Variants in PKHD1 observed in about 807,000 individuals in gnomAD.
The protein encoded by PKHD1 is PKHD1 ciliary IPT domain containing fibrocystin/polyductin, also known as fibrocystin.
Under a neutral mutation model 412.0 loss-of-function variants are expected in PKHD1, and 291 were observed. The ratio of observed to expected loss-of-function variants is 0.71; its 90% confidence interval spans 0.64 to 0.78. The LOEUF (loss-of-function observed/expected upper bound fraction) is 0.78, where lower values mean the gene tolerates loss of function less well. Among genes scored for constraint, PKHD1 ranks in the 30% least tolerant of loss-of-function variants. The probability of loss-of-function intolerance (pLI) is 0.00; values close to 1 mark genes in which losing one functional copy is unlikely to be tolerated. For missense variants in PKHD1, 4,825 were observed against 4,950.7 expected (o/e 0.97, Z 0.76); for synonymous variants, 1,777 against 1,821.5 (o/e 0.98, Z 0.62).
At chr6:51,836,051 T>C (rs11753254) in intron 51 of PKHD1, among the ~76,000 whole-genome samples, 5,765 of 152,254 alleles carry the variant, frequency 0.038, 165 homozygotes, top group Non-Finnish European at 0.063. Flanking sequence ...CCAGGAACAA[T>C]TAAAGTTTAG....
intron 36 of PKHD1, among the ~76,000 whole-genome samples, chr6:51,949,225 A>C (rs1789929968): frequency 6.6e-6 from 1 of 152,146 alleles, no homozygotes; most frequent in Admixed American, 6.5e-5. Context: ...TTTCTTAAAA[A>C]ATTTAGCAGC....
intron 53 of PKHD1, among the ~76,000 whole-genome samples, chr6:51,786,521 G>C (rs752677988): frequency 6.6e-6 from 1 of 152,000 alleles, no homozygotes; most frequent in African/African-American, 2.4e-5. Flanking sequence ...AAACTCCTTG[G>C]CATAGTATAT....
intron 60 of PKHD1, among the ~76,000 whole-genome samples, chr6:51,699,579 A>G (rs1779178938): frequency 6.6e-6 from 1 of 152,166 alleles, no homozygotes; most frequent in Non-Finnish European, 1.5e-5. Context: ...TCTCTAAGGT[A>G]AACAACCTGG....
chr6:51,739,308 G>A (rs1784267776), intron 60 of PKHD1, among the ~76,000 whole-genome samples: 1 of 151,836 alleles, frequency 6.6e-6, no homozygotes, highest in South Asian at 2.1e-4. Flanking sequence ...TTGGCTCACT[G>A]TAACCCCCGC....
At chr6:51,799,637 T>C (rs145325602) in intron 52 of PKHD1, among the ~76,000 whole-genome samples, 1 of 152,146 alleles carries the variant, frequency 6.6e-6, no homozygotes, top group South Asian at 2.1e-4. Flanking sequence ...ATATTTCAGC[T>C]AGTTACATGA....
At chr6:51,670,973 C>A (rs1171282532) in intron 60 of PKHD1, among the ~76,000 whole-genome samples, 2 of 151,872 alleles carry the variant, frequency 1.3e-5, no homozygotes, top group Non-Finnish European at 2.9e-5. Flanking sequence ...CTCTGGCTGC[C>A]CTTAACATTT....
chr6:52,065,831 C>T, intron 12 of PKHD1, 145 bp downstream of exon 12: 1 of 663,970 alleles, frequency 1.5e-6, no homozygotes, highest in Non-Finnish European at 2.7e-6. Flanking sequence ...CCCACCTGGT[C>T]TCAACCAAAC....
intron 37 of PKHD1, among the ~76,000 whole-genome samples, chr6:51,923,981 C>T (rs539201858): frequency 1.7e-4 from 26 of 152,266 alleles, no homozygotes; most frequent in African/African-American, 5.8e-4. Context: ...ATGAAAGTAA[C>T]GATCCCAGTC....
At chr6:51,732,680 G>C (rs1051948899) in intron 60 of PKHD1, among the ~76,000 whole-genome samples, 7 of 152,174 alleles carry the variant, frequency 4.6e-5, no homozygotes, top group African/African-American at 1.7e-4. Flanking sequence ...ATTGTGTACT[G>C]TTGGTGGGAA....
intron 60 of PKHD1, among the ~76,000 whole-genome samples, chr6:51,725,749 C>T (rs1176220274): frequency 6.6e-6 from 1 of 152,124 alleles, no homozygotes; most frequent in Non-Finnish European, 1.5e-5. Context: ...TGTGTATTGC[C>T]GAGAGCTTCA....
chr6:51,906,367 T>G, intron 40 of PKHD1, 27 bp from the exon 41 acceptor site: 1 of 1,595,432 alleles, frequency 6.3e-7, no homozygotes, highest in Non-Finnish European at 8.6e-7. Context: ...AAAGTAAAAA[T>G]TAGATATGGC....
intron 53 of PKHD1, among the ~76,000 whole-genome samples, chr6:51,784,349 G>T (rs1249771123): frequency 6.6e-6 from 1 of 152,116 alleles, no homozygotes; most frequent in Non-Finnish European, 1.5e-5. Flanking sequence ...CATTTGTCCT[G>T]GTCCTGTTTT....
At chr6:51,676,312 T>A (rs921786652) in intron 60 of PKHD1, among the ~76,000 whole-genome samples, 6 of 151,776 alleles carry the variant, frequency 4.0e-5, no homozygotes, top group African/African-American at 1.5e-4. Context: ...GAAAAAAATT[T>A]AAATAAATGT....
At chr6:51,665,987 A>G (rs984247396) in intron 60 of PKHD1, among the ~76,000 whole-genome samples, 3 of 152,142 alleles carry the variant, frequency 2.0e-5, no homozygotes, top group Non-Finnish European at 2.9e-5. Context: ...GGTGTGAGGC[A>G]AGCACGGTTA....
chr6:51,648,044 G>A lies in PKHD1; in HGVS notation c.11385C>T (p.Asp3795=), dbSNP rs1441850377. The change falls in exon 63 of 67, where the codon GAC becomes GAT. Residue 3795 remains aspartate, a synonymous_variant. Coordinates refer to ENST00000371117, the MANE Select transcript of PKHD1 (RefSeq NM_138694.4). ...TISASLEGAS[D]SVLKGCTQAE... ...TACTTTACCTACCTTTTAGCACTGA[G>A]TCTGATGCTCCTTCCAGGGAAGCTG... 1 of 1,591,320 alleles carries A rather than the reference G, an allele frequency of 6.3e-7. No individual in the cohort carries two copies. Among genetic ancestry groups the A allele is most frequent in the South Asian group, 1.1e-5 (1 of 90,650 alleles).
chr6:51,685,650 C>G (rs1372719868), intron 60 of PKHD1, among the ~76,000 whole-genome samples: 1 of 152,150 alleles, frequency 6.6e-6, no homozygotes, highest in Admixed American at 6.6e-5. Context: ...CATGATTCAA[C>G]TTATAACCTA....
intron 37 of PKHD1, among the ~76,000 whole-genome samples, chr6:51,924,505 AT>A (rs1785216463): frequency 6.6e-6 from 1 of 152,208 alleles, no homozygotes; most frequent in East Asian, 1.9e-4. Flanking sequence ...ATATAAACAG[AT>A]TTGTGTTTTT....
At chr6:52,083,095 A>G in intron 3 of PKHD1, 83 bp downstream of exon 3, 1 of 969,998 alleles carries the variant, frequency 1.0e-6, no homozygotes, top group Non-Finnish European at 1.7e-6. Flanking sequence ...GTCCTTAGAA[A>G]AGGAAGAAAA....
At chr6:51,670,909 A>G (rs1276839741) in intron 60 of PKHD1, among the ~76,000 whole-genome samples, 2 of 151,962 alleles carry the variant, frequency 1.3e-5, no homozygotes, top group Non-Finnish European at 2.9e-5. Context: ...GTTTCTGCCG[A>G]GAGATCTGCT....
Sources: allele counts gnomAD v4.1 joint callset (sites outside exome capture counted in the v4.1 genomes callset), GRCh38; gene constraint gnomAD v4.1.1; transcripts MANE v1.5; gene names NCBI Gene and HGNC (gene_info 2026-07-23, HGNC 2026-07-21).